Variants in COL4A4 observed in about 807,000 individuals in gnomAD.
COL4A4 encodes collagen type IV alpha 4 chain, also known as collagen alpha-4(IV) chain.
COL4A4 carries 105 observed loss-of-function variants against 192.9 expected under a neutral mutation model. The observed-to-expected ratio is 0.54, with a 90% CI of 0.46 to 0.64. The LOEUF is 0.64. COL4A4 is among the 30% of genes least tolerant of loss of function. The pLI is 0.00. For missense variants in COL4A4, 1,967 were observed against 2,169.3 expected (o/e 0.91, Z 1.85); for synonymous variants, 762 against 769.9 (o/e 0.99, Z 0.17).
At chr2:226,991,069 C>A in the COL4A4 span, among the ~76,000 whole-genome samples, 1 of 152,232 alleles carries the variant, frequency 6.6e-6, no homozygotes, top group Non-Finnish European at 1.5e-5. Flanking sequence ...ATATCTATTT[C>A]TCAGAAGACA....
intron 30 of COL4A4, among the ~76,000 whole-genome samples, chr2:227,055,125 T>C (rs936364846): frequency 1.3e-5 from 2 of 152,154 alleles, no homozygotes; most frequent in South Asian, 2.1e-4. Flanking sequence ...ATGATTCTTA[T>C]ATATTGTGTT....
At chr2:227,099,589 A>C (rs368666710) in intron 18 of COL4A4, 31 bp downstream of exon 18, 1 of 1,605,442 alleles carries the variant, frequency 6.2e-7, no homozygotes, top group African/African-American at 1.3e-5. Flanking sequence ...TTTCTGCATA[A>C]TTTATGGAGG....
chr2:227,083,438 T>A (rs2059424539), intron 22 of COL4A4, among the ~76,000 whole-genome samples: 2 of 152,034 alleles, frequency 1.3e-5, no homozygotes, highest in African/African-American at 2.4e-5. Context: ...CCTTGTCGTA[T>A]TTTCTTTTTA....
intron 18 of COL4A4, 40 bp from the exon 19 acceptor site, chr2:227,098,838 T>C (rs1285980094): frequency 5.4e-6 from 8 of 1,485,474 alleles, no homozygotes; most frequent in Non-Finnish European, 6.6e-6. Flanking sequence ...ACAAATGGTA[T>C]GTGCATTTTA....
At chr2:227,064,616 AT>A (rs1384075802) in intron 25 of COL4A4, among the ~76,000 whole-genome samples, 1 of 152,192 alleles carries the variant, frequency 6.6e-6, no homozygotes, top group Admixed American at 6.5e-5. Context: ...GAAGGCAAGA[AT>A]TCTAAGAGCA....
chr2:227,119,897 G>C lies in COL4A4; in HGVS notation c.370C>G (p.Pro124Ala). Residue 124 changes from proline to alanine, a missense_variant and splice_region_variant, in exon 6 of 48, where the codon CCT becomes GCT. Coordinates refer to ENST00000396625, the MANE Select transcript of COL4A4 (RefSeq NM_000092.5). ...GGAGAAAATTTAGGGATACTTACAG[G>C]TATGCCATCTAAACCTGGAAATCCA... ...VPGFPGLDGI[P>A]GHPGPPGPRG... 6.3e-7 allele frequency: 1 copy of C among 1,585,730 alleles called. No individual in the cohort carries two copies. The highest frequency in any genetic ancestry group is 8.6e-7 in the Non-Finnish European group (1 of 1,164,654).
Position 227,059,604 on chromosome 2 carries a change from T to C in COL4A4, c.2184A>G (p.Gly728=), listed in dbSNP as rs2150276802. Residue 728 remains glycine (G), a synonymous_variant, in exon 28 of 48, where the codon GGA becomes GGG. Coordinates refer to ENST00000396625, the MANE Select transcript of COL4A4 (RefSeq NM_000092.5). ...PGPPGFRGDM[G]DPGFGGEKGS... ...CCTTTTCACCTCCAAAACCCGGATCTCCCATGTCACCACGAAAACCTATTT... is the reference window on the plus strand; with the variant it reads ...CCTTTTCACCTCCAAAACCCGGATCCCCCATGTCACCACGAAAACCTATTT... 6.2e-7 allele frequency: 1 copy of C among 1,614,028 alleles called. No homozygotes were observed. Among genetic ancestry groups the C allele is most frequent in the East Asian group, 2.2e-5 (1 of 44,868 alleles).
chr2:227,064,208 T>C (rs1266847214), intron 25 of COL4A4, among the ~76,000 whole-genome samples: 1 of 152,118 alleles, frequency 6.6e-6, no homozygotes, highest in Non-Finnish European at 1.5e-5. Context: ...TCTAGACAGA[T>C]ATCATCAAGA....
At chr2:227,087,155 A>G (rs1185346789) in intron 22 of COL4A4, among the ~76,000 whole-genome samples, 1 of 152,206 alleles carries the variant, frequency 6.6e-6, no homozygotes, top group East Asian at 1.9e-4. Flanking sequence ...ATGAGCAATC[A>G]GACAGCTGAG....
intron 40 of COL4A4, among the ~76,000 whole-genome samples, chr2:227,031,031 TTGGATGGACAGATGGATGGATGGATGGA>T (rs1968241443): frequency 2.2e-5 from 1 of 45,460 alleles, no homozygotes; most frequent in African/African-American, 1.4e-4. Flanking sequence ...GGATAGATGG[TTGGATGGACAGATGGATGGATGGATGGA>T]TGGATGGATG....
intron 32 of COL4A4, 24 bp downstream of exon 32, chr2:227,052,280 TG>T: frequency 7.6e-7 from 1 of 1,308,538 alleles, no homozygotes; most frequent in Non-Finnish European, 1.1e-6. Context: ...TTATTTGATA[TG>T]GTTAAAAACT....
chr2:226,971,688 C>CA, the COL4A4 span, among the ~76,000 whole-genome samples: 1 of 152,150 alleles, frequency 6.6e-6, no homozygotes, highest in Non-Finnish European at 1.5e-5. Context: ...TTGACAAAAT[C>CA]AGAGAGGTGT....
intron 24 of COL4A4, among the ~76,000 whole-genome samples, chr2:227,078,436 T>A (rs1025141833): frequency 1.3e-5 from 2 of 151,914 alleles, no homozygotes; most frequent in Non-Finnish European, 1.5e-5. Context: ...AGAGACTGAG[T>A]TTCGCCATGT....
chr2:227,023,441 C>A (rs960693142), intron 43 of COL4A4, among the ~76,000 whole-genome samples: 190 of 124,172 alleles, frequency 1.5e-3, no homozygotes, highest in South Asian at 2.3e-3. Context: ...GATTCCATCT[C>A]AAAAAAAAAA....
In COL4A4 at chr2:227,080,489, T is replaced by C. The variant is rs751744651; in HGVS notation, c.1757A>G (p.His586Arg). The change falls in exon 24 of 48, where the codon CAT becomes CGT. Residue 586 changes from histidine to arginine, a missense_variant. His to Arg is a conservative substitution (Grantham distance 29). Coordinates refer to ENST00000396625, the MANE Select transcript of COL4A4 (RefSeq NM_000092.5). ...TTCTCCAGCATGTCCATCCCGACCA[T>C]GTGATCCTGGCTGCCCTGGAAATCC... ...PPGFPGQPGS[H>R]GRDGHAGEKG... The C allele has an allele frequency of 8.7e-6, 14 of 1,614,052 alleles. No homozygotes were observed. Among genetic ancestry groups the C allele is most frequent in the African/African-American group, 4.0e-5 (3 of 74,912 alleles).
chr2:227,060,989 G>A (rs926474459), intron 26 of COL4A4, among the ~76,000 whole-genome samples: 1 of 152,174 alleles, frequency 6.6e-6, no homozygotes, highest in Non-Finnish European at 1.5e-5. Flanking sequence ...GCCTCCCAAA[G>A]TGCTGAGATT....
At chr2:227,156,395 T>TAAA (rs5839193) in intron 1 of COL4A4, among the ~76,000 whole-genome samples, 4 of 135,148 alleles carry the variant, frequency 3.0e-5, no homozygotes, top group Non-Finnish European at 6.3e-5. Context: ...AAACCCCGTC[T>TAAA]AAAAAAAAAA....
chr2:227,118,648 G>T lies in COL4A4; in HGVS notation c.486C>A (p.Pro162=). 1.2e-6 allele frequency: 2 copies of T among 1,610,766 alleles called. No homozygotes were observed. Among genetic ancestry groups the T allele is most frequent in the Non-Finnish European group, 1.7e-6 (2 of 1,177,116 alleles). Residue 162 remains proline (P), a synonymous_variant, in exon 7 of 48, where the codon CCC becomes CCA. Transcript: ENST00000396625. The part of the protein sequence containing the change: ...GGRGALGPGG[P]LGHPGEKGEK... ...AGATGAACTGTGGGTATCTTACTAGGGGGCCTCCTGGGCCAAGAGCTCCTC... is the reference window on the plus strand; with the variant it reads ...AGATGAACTGTGGGTATCTTACTAGTGGGCCTCCTGGGCCAAGAGCTCCTC...
At chr2:226,984,819 C>T in the COL4A4 span, among the ~76,000 whole-genome samples, 1 of 151,978 alleles carries the variant, frequency 6.6e-6, no homozygotes, top group Non-Finnish European at 1.5e-5. Context: ...TTCTGAGTGT[C>T]CTTAGACAGC....
Sources: gnomAD v4.1 joint callset for allele counts (sites outside exome capture counted in the v4.1 genomes callset) on GRCh38, gnomAD v4.1.1 for gene constraint, MANE v1.5 for transcripts, NCBI Gene and HGNC (gene_info 2026-07-23, HGNC 2026-07-21) for gene names.